FBXL7: variants seen among roughly 807,000 people sequenced by gnomAD.
The protein encoded by FBXL7 is F-box and leucine rich repeat protein 7, also known as F-box/LRR-repeat protein 7.
In FBXL7, 12 loss-of-function variants were observed where a neutral mutation model predicts 38.3. That is an observed-to-expected ratio of 0.31 (90% CI 0.20 to 0.51). The LOEUF is 0.51. Among genes scored for constraint, FBXL7 ranks in the 20% least tolerant of loss-of-function variants. FBXL7 has a pLI of 0.98. For synonymous variants in FBXL7, 297 were observed against 300.9 expected (o/e 0.99, Z 0.13); for missense variants, 567 against 676.4 (o/e 0.84, Z 1.79).
intron 2 of FBXL7, among the ~76,000 whole-genome samples, chr5:15,774,861 C>T (rs1736820026): frequency 6.6e-6 from 1 of 152,088 alleles, no homozygotes; most frequent in African/African-American, 2.4e-5. Flanking sequence ...AAGGTTGTTT[C>T]TCTTGACCCC....
chr5:15,826,310 C>T (rs1051226956), intron 2 of FBXL7, among the ~76,000 whole-genome samples: 3 of 152,214 alleles, frequency 2.0e-5, no homozygotes, highest in African/African-American at 7.2e-5. Context: ...GAGAAACTCT[C>T]AGAGAAAGTA....
intron 2 of FBXL7, among the ~76,000 whole-genome samples, chr5:15,778,575 A>G (rs904054648): frequency 6.6e-6 from 1 of 152,152 alleles, no homozygotes; most frequent in Non-Finnish European, 1.5e-5. Flanking sequence ...TCAAGGTCCT[A>G]AGTGAGAAGG....
intron 1 of FBXL7, among the ~76,000 whole-genome samples, chr5:15,536,463 C>A (rs566635151): frequency 6.6e-6 from 1 of 152,188 alleles, no homozygotes; most frequent in Non-Finnish European, 1.5e-5. Context: ...GCCTTCAGAG[C>A]CCATATCTTG....
chr5:15,535,590 A>G (rs1212539996), intron 1 of FBXL7, among the ~76,000 whole-genome samples: 2 of 152,182 alleles, frequency 1.3e-5, no homozygotes, highest in South Asian at 2.1e-4. Flanking sequence ...GAAATGATTT[A>G]GGGCATCTGG....
intron 2 of FBXL7, among the ~76,000 whole-genome samples, chr5:15,815,335 A>C (rs544803925): frequency 6.6e-6 from 1 of 152,170 alleles, no homozygotes; most frequent in African/African-American, 2.4e-5. Context: ...TAGCTGTCCA[A>C]CCTCCATGGA....
chr5:15,916,400 A>T (rs747831644), intron 2 of FBXL7, among the ~76,000 whole-genome samples: 21 of 152,144 alleles, frequency 1.4e-4, no homozygotes, highest in Admixed American at 8.5e-4. Flanking sequence ...TGAAAATCGA[A>T]TTTGGGGAGT....
At chr5:15,627,092 C>T (rs1740846208) in intron 2 of FBXL7, among the ~76,000 whole-genome samples, 1 of 151,986 alleles carries the variant, frequency 6.6e-6, no homozygotes, top group Non-Finnish European at 1.5e-5. Flanking sequence ...TGACTGAATC[C>T]CCACCATTCC....
intron 1 of FBXL7, among the ~76,000 whole-genome samples, chr5:15,585,831 G>A (rs1279811780): frequency 1.3e-5 from 2 of 152,164 alleles, no homozygotes; most frequent in African/African-American, 2.4e-5. Context: ...CTTATTAAAC[G>A]CAAATCAAAT....
intron 1 of FBXL7, among the ~76,000 whole-genome samples, chr5:15,520,962 G>A (rs1383095673): frequency 6.6e-6 from 1 of 152,138 alleles, no homozygotes; most frequent in Non-Finnish European, 1.5e-5. Flanking sequence ...CTTGTTCTGG[G>A]GACTAACAAG....
chr5:15,704,815 G>A (rs1743631409), intron 2 of FBXL7, among the ~76,000 whole-genome samples: 1 of 152,168 alleles, frequency 6.6e-6, no homozygotes, highest in Non-Finnish European at 1.5e-5. Context: ...TTGAAGGGCA[G>A]CACTTGGGTT....
At chr5:15,552,953 G>A (rs781159753) in intron 1 of FBXL7, among the ~76,000 whole-genome samples, 12 of 151,976 alleles carry the variant, frequency 7.9e-5, no homozygotes, top group East Asian at 1.9e-4. Flanking sequence ...GTGATGGCAC[G>A]CACCTATAGT....
chr5:15,862,033 A>G (rs1346901208), intron 2 of FBXL7, among the ~76,000 whole-genome samples: 2 of 152,184 alleles, frequency 1.3e-5, no homozygotes, highest in Non-Finnish European at 2.9e-5. Flanking sequence ...AAAGAGTTTT[A>G]ACACTGACTG....
chr5:15,859,719 C>G (rs1250934444), intron 2 of FBXL7, among the ~76,000 whole-genome samples: 1 of 152,228 alleles, frequency 6.6e-6, no homozygotes, highest in Admixed American at 6.5e-5. Context: ...CCCATCAGGT[C>G]CCTCCCACGA....
rs558205221 is a variant in FBXL7, at chr5:15,744,834, A to G, written c.127+128762A>G. On this transcript the variant is annotated intron_variant, in intron 2 of 3. Coordinates refer to ENST00000504595, the MANE Select transcript of FBXL7 (RefSeq NM_012304.5). ...ACAATCATGTCAGAAAGGGATGCAA[A>G]CATGCCCTTCTTCACGTGTCAGCAG... 2.2e-4 allele frequency among the ~76,000 whole-genome samples: 33 copies of G among 152,286 alleles called. 1 individual carries two copies. Among genetic ancestry groups the G allele is most frequent in the African/African-American group, 7.7e-4 (32 of 41,552 alleles).
At chr5:15,621,647 G>T (rs1043058523) in intron 2 of FBXL7, among the ~76,000 whole-genome samples, 1 of 152,196 alleles carries the variant, frequency 6.6e-6, no homozygotes, top group Admixed American at 6.5e-5. Context: ...CTATGGGCGG[G>T]TGGCTCAGTC....
chr5:15,632,794 A>G (rs1741043709), intron 2 of FBXL7, among the ~76,000 whole-genome samples: 1 of 152,216 alleles, frequency 6.6e-6, no homozygotes, highest in African/African-American at 2.4e-5. Flanking sequence ...GTGTGTTATC[A>G]TTAGTGGGAA....
At chr5:15,820,350 A>G (rs1021716071) in intron 2 of FBXL7, among the ~76,000 whole-genome samples, 3 of 151,950 alleles carry the variant, frequency 2.0e-5, no homozygotes, top group African/African-American at 7.3e-5. Flanking sequence ...TCCTCCCAGC[A>G]CCTGATCTGG....
chr5:15,852,957 T>C (rs1721273995), intron 2 of FBXL7, among the ~76,000 whole-genome samples: 1 of 152,146 alleles, frequency 6.6e-6, no homozygotes, highest in African/African-American at 2.4e-5. Context: ...ATACAGTCAC[T>C]TATGGAGGGC....
chr5:15,795,305 GTTTTCCGTATATCATCATTTGACTAGATT>G (rs1269760395), intron 2 of FBXL7, among the ~76,000 whole-genome samples: 8 of 152,152 alleles, frequency 5.3e-5, no homozygotes, highest in Non-Finnish European at 1.2e-4. Context: ...CTAGCAAGAT[GTTTTCCGTATATCATCATTTGACTAGATT>G]TTTTCTAAAT....
Sources: gnomAD v4.1 joint callset for allele counts (sites outside exome capture counted in the v4.1 genomes callset) on GRCh38, gnomAD v4.1.1 for gene constraint, MANE v1.5 for transcripts, NCBI Gene and HGNC (gene_info 2026-07-23, HGNC 2026-07-21) for gene names.